Variants in DSCAM observed in about 807,000 individuals in gnomAD.
DSCAM encodes cell adhesion molecule DSCAM.
DSCAM carries 47 observed loss-of-function variants against 217.7 expected under a neutral mutation model. That is an observed-to-expected ratio of 0.22 (90% CI 0.17 to 0.28). The LOEUF is 0.28. DSCAM is among the 10% of genes least tolerant of loss of function. The probability of loss-of-function intolerance (pLI) is 1.00; values close to 1 mark genes in which losing one functional copy is unlikely to be tolerated. For missense variants in DSCAM, 2,080 were observed against 2,618.3 expected, an observed-to-expected ratio of 0.79 and a Z score of 4.49; for synonymous variants, 1,056 against 1,015.3, an observed-to-expected ratio of 1.04 and a Z score of -0.76.
At position 40,095,834 on chromosome 21, in the gene DSCAM, G is replaced by A. The variant is rs150689026; in HGVS notation, c.3697-1960C>T. 3.0e-3 allele frequency among the ~76,000 whole-genome samples: 462 copies of A among 152,218 alleles called. 4 individuals are homozygous for A. The highest frequency in any genetic ancestry group is 5.0e-3 in the Admixed American group (77 of 15,290). ...AAGTAGTTATAATTGTATTATAGCG[G>A]TATTATAACTGTATATGTTCAAAAA... On this transcript the variant is annotated intron_variant, in intron 20 of 32. Coordinates refer to ENST00000400454, the MANE Select transcript of DSCAM (RefSeq NM_001389.5).
chr21:40,055,579 A>G lies in DSCAM; in HGVS notation c.5035+146T>C, dbSNP rs934173501. The G allele has an allele frequency of 4.8e-6, 3 of 622,554 alleles. No homozygotes were observed. The African/African-American group carries it at 5.4e-5, about 11-fold the overall frequency. The allele number at this position is 622,554 out of a possible 1,614,324, so 38.6% of individuals were successfully genotyped here. A position where few individuals can be genotyped will look rare whatever the true frequency, so the allele number is the denominator to read the frequency against. On this transcript the variant is annotated intron_variant, in intron 29 of 32. Coordinates refer to ENST00000400454, the MANE Select transcript of DSCAM (RefSeq NM_001389.5). ...TTGCTGGTACTGATTCTTCTTCACAAGAACAATTCTCTACCTTCTAGCTTT... is the reference window on the plus strand; with the variant it reads ...TTGCTGGTACTGATTCTTCTTCACAGGAACAATTCTCTACCTTCTAGCTTT...
chr21:40,745,697 C>T (rs1248429466), intron 1 of DSCAM, among the ~76,000 whole-genome samples: 1 of 151,958 alleles, frequency 6.6e-6, no homozygotes, highest in Non-Finnish European at 1.5e-5. Context: ...TAATTTGTAA[C>T]AAGAAAAGAT....
intron 11 of DSCAM, among the ~76,000 whole-genome samples, chr21:40,229,520 T>C (rs2091362193): frequency 2.6e-5 from 4 of 152,206 alleles, no homozygotes; most frequent in Admixed American, 2.0e-4. Flanking sequence ...AGTCCTCTCC[T>C]TTCCCCAAAT....
At chr21:40,420,776 T>C (rs1247819436) in intron 3 of DSCAM, among the ~76,000 whole-genome samples, 1 of 152,180 alleles carries the variant, frequency 6.6e-6, no homozygotes, top group Non-Finnish European at 1.5e-5. Flanking sequence ...TATCAGATGA[T>C]GTTTCTACAA....
intron 24 of DSCAM, among the ~76,000 whole-genome samples, chr21:40,082,888 G>A (rs916260870): frequency 1.3e-5 from 2 of 152,134 alleles, no homozygotes; most frequent in Non-Finnish European, 2.9e-5. Flanking sequence ...CTCACTCTCG[G>A]AGCTGGAAGG....
chr21:40,742,551 G>A (rs1215280891), intron 1 of DSCAM, among the ~76,000 whole-genome samples: 1 of 152,214 alleles, frequency 6.6e-6, no homozygotes, highest in Non-Finnish European at 1.5e-5. Flanking sequence ...GAGAATAAAT[G>A]TATGTTGTTT....
intron 9 of DSCAM, among the ~76,000 whole-genome samples, chr21:40,297,787 G>C (rs528226198): frequency 6.6e-6 from 1 of 152,202 alleles, no homozygotes. Context: ...TCTGTAGAAT[G>C]ATTTACACAT....
chr21:40,097,429 G>A (rs2089689588), intron 20 of DSCAM, among the ~76,000 whole-genome samples: 1 of 151,796 alleles, frequency 6.6e-6, no homozygotes, highest in Non-Finnish European at 1.5e-5. Context: ...TAAATAAAAT[G>A]GAATTACAAA....
intron 3 of DSCAM, among the ~76,000 whole-genome samples, chr21:40,601,934 TG>T (rs1293074548): frequency 1.3e-5 from 2 of 152,174 alleles, no homozygotes; most frequent in Non-Finnish European, 2.9e-5. Flanking sequence ...TGAGTAATTT[TG>T]TATCTAAATT....
chr21:40,016,738 G>A lies in DSCAM; in HGVS notation c.5687-3352C>T, dbSNP rs1267936316. 6.6e-6 allele frequency among the ~76,000 whole-genome samples: 1 copy of A among 152,210 alleles called. No individual in the cohort carries two copies. Among genetic ancestry groups the A allele is most frequent in the African/African-American group, 2.4e-5 (1 of 41,462 alleles). On this transcript the variant is annotated intron_variant, in intron 32 of 32. Transcript: ENST00000400454. The surrounding 1 kb of genome is among the most constrained non-coding windows in gnomAD (Gnocchi z 4.3). ...GCTAGCGGGGCAATGAAAGTGATAT[G>A]TGTTTAGACAGTGTTTAAAGCCTGA...
Position 40,276,152 on chromosome 21 carries a change from C to T in DSCAM, c.2301G>A (p.Lys767=). 1 of 1,612,408 alleles carries T rather than the reference C, an allele frequency of 6.2e-7. No homozygotes were observed. Among genetic ancestry groups the T allele is most frequent in the Non-Finnish European group, 8.5e-7 (1 of 1,179,218 alleles). Residue 767 remains lysine (K), a synonymous_variant, in exon 11 of 33, where the codon AAG becomes AAA. Transcript: ENST00000400454. Reference sequence around the variant, plus strand: ...CGTCTGCGCCCACATCGTTGCTGACCTTGCAGAGGTAGTAGCCACTGTCTT... The same window carrying T: ...CGTCTGCGCCCACATCGTTGCTGACTTTGCAGAGGTAGTAGCCACTGTCTT... ...VEEDSGYYLC[K]VSNDVGADVS...
At chr21:40,389,687 A>G (rs1056137707) in intron 3 of DSCAM, among the ~76,000 whole-genome samples, 1 of 152,328 alleles carries the variant, frequency 6.6e-6, no homozygotes, top group Non-Finnish European at 1.5e-5. Flanking sequence ...TTGTCTTTGA[A>G]AGAAGATATA....
intron 3 of DSCAM, among the ~76,000 whole-genome samples, chr21:40,599,481 G>C (rs905679415): frequency 5.3e-5 from 8 of 152,096 alleles, no homozygotes; most frequent in Admixed American, 3.9e-4. Flanking sequence ...GAAATTTATA[G>C]CACTAAATGC....
At chr21:40,178,101 G>C (rs2090752536) in intron 15 of DSCAM, among the ~76,000 whole-genome samples, 1 of 152,200 alleles carries the variant, frequency 6.6e-6, no homozygotes, top group African/African-American at 2.4e-5. Flanking sequence ...CAAGCGCAGT[G>C]GCTTCCTCTC....
In DSCAM at chr21:40,276,109, G is replaced by C. The variant is rs373687903; in HGVS notation, c.2344C>G (p.Leu782Val). 1 of 1,584,082 alleles carries C rather than the reference G, an allele frequency of 6.3e-7. No homozygotes were observed. Among genetic ancestry groups the C allele is most frequent in the African/African-American group, 1.4e-5 (1 of 73,456 alleles). ...VGADVSKSMYLTVKIPAMITS... is the reference protein window; with the variant it reads ...VGADVSKSMYVTVKIPAMITS... ...TCTTCTCTCTTACTTTTAACCGTGA[G>C]GTACATGGACTTGCTGACGTCTGCG... Residue 782 changes from leucine to valine, a missense_variant, in exon 11 of 33, where the codon CTC becomes GTC. Leu to Val is a conservative substitution (Grantham distance 32, BLOSUM62 1). Around this residue, in one of 5 missense-constraint regions of DSCAM, gnomAD observed 218 missense variants for 364.1 expected, o/e 0.60. Coordinates refer to ENST00000400454, the MANE Select transcript of DSCAM (RefSeq NM_001389.5).
chr21:40,307,541 T>G (rs1287030617), intron 9 of DSCAM, among the ~76,000 whole-genome samples: 8 of 152,188 alleles, frequency 5.3e-5, no homozygotes, highest in Non-Finnish European at 1.0e-4. Flanking sequence ...CTCAGGGATC[T>G]AGAACTAGAA....
chr21:40,329,657 T>A (rs147067839), intron 8 of DSCAM, among the ~76,000 whole-genome samples: 1 of 137,648 alleles, frequency 7.3e-6, no homozygotes, highest in African/African-American at 2.7e-5. Context: ...AATAAATAAA[T>A]AATAAAAATA....
Position 40,189,067 on chromosome 21 carries a change from C to T in DSCAM, c.2528G>A (p.Gly843Glu). Reference sequence around the variant, plus strand: ...CTGCAGAGTAGAAATCACCTCTTCTCCCACCTCCTTGGTGGACACAAGATA... The same window carrying T: ...CTGCAGAGTAGAAATCACCTCTTCTTCCACCTCCTTGGTGGACACAAGATA... ...ARYLVSTKEVGEEVISTLQIL... is the reference protein window; with the variant it reads ...ARYLVSTKEVEEEVISTLQIL... The change falls in exon 12 of 33, where the codon GGA becomes GAA. Residue 843 changes from glycine (G) to glutamate (E), a missense_variant. By Grantham distance (98) the Gly-to-Glu change is moderately conservative (BLOSUM62 -2). Coordinates refer to ENST00000400454, the MANE Select transcript of DSCAM (RefSeq NM_001389.5). 1 of 1,614,160 alleles carries T rather than the reference C, an allele frequency of 6.2e-7. No homozygotes were observed. The highest frequency in any genetic ancestry group is 8.5e-7 in the Non-Finnish European group (1 of 1,180,026).
intron 3 of DSCAM, among the ~76,000 whole-genome samples, chr21:40,451,964 G>C (rs1362623440): frequency 6.6e-6 from 1 of 151,980 alleles, no homozygotes; most frequent in Non-Finnish European, 1.5e-5. Context: ...ATGACAGAAG[G>C]GTCCCTCAAC....
Sources: allele counts gnomAD v4.1 joint callset (sites outside exome capture counted in the v4.1 genomes callset), GRCh38; gene constraint gnomAD v4.1.1; regional missense constraint gnomAD v4.1.1; non-coding constraint Gnocchi (gnomAD v3.1); transcripts MANE v1.5; gene names NCBI Gene and HGNC (gene_info 2026-07-23, HGNC 2026-07-21).